Variants in ATP11A observed in about 807,000 individuals in gnomAD.
ATP11A encodes the protein phospholipid-transporting ATPase IH.
Under a neutral mutation model 154.4 loss-of-function variants are expected in ATP11A, and 81 were observed. The ratio of observed to expected loss-of-function variants is 0.52; its 90% confidence interval spans 0.44 to 0.63. ATP11A has a LOEUF of 0.63. Among genes scored for constraint, ATP11A ranks in the 30% least tolerant of loss-of-function variants. The pLI, the probability that ATP11A is intolerant of heterozygous loss-of-function variation, is 0.00. For synonymous variants in ATP11A, 623 were observed against 585.9 expected, an observed-to-expected ratio of 1.06 and a Z score of -0.91; for missense variants, 1,316 against 1,474.3, an observed-to-expected ratio of 0.89 and a Z score of 1.76.
chr13:112,882,686 C>T lies in ATP11A; in HGVS notation c.*820C>T, dbSNP rs1433165936. ...GCCACGTGGGAGGACAAGGCCACGC[C>T]GGCAGCTTCCAGCCCTGCCGCAGAA... On this transcript the variant is annotated 3_prime_UTR_variant, in exon 30 of 30. Transcript: ENST00000375645. The surrounding 1 kb of genome is among the most constrained non-coding windows in gnomAD (Gnocchi z 5.1). The T allele has an allele frequency of 2.8e-5, 11 of 399,776 alleles. No homozygotes were observed. The highest frequency in any genetic ancestry group is 4.1e-5 in the African/African-American group (2 of 48,602). The allele number at this position is 399,776 out of a possible 1,614,324, so 24.8% of individuals were successfully genotyped here. A position where few individuals can be genotyped will look rare whatever the true frequency, so the allele number is the denominator to read the frequency against.
intron 3 of ATP11A, 49 bp downstream of exon 3, chr13:112,805,095 G>A (rs1566507026): frequency 1.4e-6 from 2 of 1,407,608 alleles, no homozygotes; most frequent in Non-Finnish European, 2.0e-6. Context: ...ATCTAAATAA[G>A]TGACATTTTA....
chr13:112,810,745 A>G lies in ATP11A; in HGVS notation c.441+19A>G. 2 of 1,606,640 alleles carry G rather than the reference A, an allele frequency of 1.2e-6. No homozygotes were observed. Among genetic ancestry groups the G allele is most frequent in the Non-Finnish European group, 8.5e-7 (1 of 1,173,262 alleles). On this transcript the variant is annotated intron_variant, in intron 5 of 29. Coordinates refer to ENST00000375645, the MANE Select transcript of ATP11A (RefSeq NM_015205.3). ...GCTGCGAGTAAGTGACACCCGACAC[A>G]TTTACGCTGGTGAAGTCCAGTAACT... is the stretch of plus-strand genomic sequence containing the variant.
intron 2 of ATP11A, among the ~76,000 whole-genome samples, chr13:112,788,341 C>A (rs963951054): frequency 6.8e-6 from 1 of 146,156 alleles, no homozygotes; most frequent in African/African-American, 2.6e-5. Context: ...ACGTGTAGAC[C>A]CCTGTGGAGA....
At chr13:112,825,317 C>T in intron 10 of ATP11A, 113 bp from the exon 11 acceptor site, 1 of 1,243,610 alleles carries the variant, frequency 8.0e-7, no homozygotes, top group Middle Eastern at 2.1e-4. Flanking sequence ...GAACACATCA[C>T]TGTGCCCTTC....
rs368097538 is a variant in ATP11A, at chr13:112,842,266, C to T, written c.1706-10C>T. On this transcript the variant is annotated splice_polypyrimidine_tract_variant and intron_variant, in intron 16 of 29. Transcript: ENST00000375645. ...TTGTGATTAAACTCCTCATTTTTCT[C>T]ATTTTGTAGGAGAAATTTATCTGTT... 141 of 1,593,820 alleles carry T rather than the reference C, an allele frequency of 8.8e-5. No homozygotes were observed. Among genetic ancestry groups the T allele is most frequent in the Non-Finnish European group, 1.1e-4 (133 of 1,166,678 alleles).
chr13:112,794,296 G>A (rs2077940190), intron 2 of ATP11A, among the ~76,000 whole-genome samples: 1 of 152,190 alleles, frequency 6.6e-6, no homozygotes, highest in Admixed American at 6.5e-5. Flanking sequence ...ACAACGATGA[G>A]CGAAGGATAA....
chr13:112,875,876 C>T lies in ATP11A; in HGVS notation c.3262C>T (p.Leu1088Phe). The T allele has an allele frequency of 6.2e-7, 1 of 1,613,864 alleles. No homozygotes were observed. Among genetic ancestry groups the T allele is most frequent in the Non-Finnish European group, 8.5e-7 (1 of 1,180,040 alleles). ...CGTGCTGCTGGTGACCATCAGCCTC[C>T]TTCCCGACGTCCTCAAGAAAGTCCT... is the stretch of plus-strand genomic sequence containing the variant. ...AIVLLVTISLLPDVLKKVLCR... is the reference protein window; with the variant it reads ...AIVLLVTISLFPDVLKKVLCR... Residue 1088 changes from leucine (L) to phenylalanine (F), a missense_variant, in exon 28 of 30, where the codon CTT becomes TTT. By Grantham distance (22) the Leu-to-Phe change is conservative. This residue lies in a region of ATP11A where 294 missense variants were observed against 290.2 expected (regional missense o/e 1.01). Coordinates refer to ENST00000375645, the MANE Select transcript of ATP11A (RefSeq NM_015205.3). This position sits in a 1 kb window ranked among gnomAD's most constrained non-coding sequence, Gnocchi z 4.1.
chr13:112,757,037 A>C (rs1482683814), intron 1 of ATP11A, among the ~76,000 whole-genome samples: 1 of 152,272 alleles, frequency 6.6e-6, no homozygotes, highest in Non-Finnish European at 1.5e-5. Flanking sequence ...CATTGATGTG[A>C]GCACCTACTG....
At chr13:112,761,124 C>G (rs1403467166) in intron 1 of ATP11A, among the ~76,000 whole-genome samples, 2 of 152,178 alleles carry the variant, frequency 1.3e-5, no homozygotes, top group Non-Finnish European at 2.9e-5. Flanking sequence ...CCCCACCCCC[C>G]TTATGGCCTC....
chr13:112,704,749 G>A (rs968846872), intron 1 of ATP11A, among the ~76,000 whole-genome samples: 3 of 152,240 alleles, frequency 2.0e-5, no homozygotes, highest in Non-Finnish European at 4.4e-5. Flanking sequence ...GGAAGTGGCT[G>A]CCTAAATAAT....
Position 112,781,784 on chromosome 13 carries a change from C to CAAA in ATP11A, c.40-3334_40-3332dup, listed in dbSNP as rs748401969. ...TCTTAATAAACTTGCTTTCACTTTG[C>CAAA]AAAAAAAAAAAAAAAAAAAGAATTT... On this transcript the variant is annotated intron_variant, in intron 1 of 29. Coordinates refer to ENST00000375645, the MANE Select transcript of ATP11A (RefSeq NM_015205.3). Among the ~76,000 whole-genome samples the CAAA allele has an allele frequency of 1.6e-3, 167 of 101,330 alleles. 3 individuals carry two copies. The highest frequency in any genetic ancestry group is 5.3e-3 in the African/African-American group (153 of 28,838). The allele number at this position is 101,330 out of a possible 152,430, so 66.5% of individuals were successfully genotyped here.
At chr13:112,774,357 T>C (rs546096109) in intron 1 of ATP11A, among the ~76,000 whole-genome samples, 1 of 152,254 alleles carries the variant, frequency 6.6e-6, no homozygotes, top group Non-Finnish European at 1.5e-5. Flanking sequence ...AAGAGGGTGG[T>C]TGAGGACCAT....
In ATP11A at chr13:112,875,827, C is replaced by T; in HGVS notation, c.3213C>T (p.Ser1071=). ...ACTACGTGTTCATCCAGATGCTGTC[C>T]AGCGGGCCCGCCTGGCTGGCCATCG... The part of the protein sequence containing the change: ...RMYYVFIQML[S]SGPAWLAIVL... The change falls in exon 28 of 30, where the codon TCC becomes TCT. Residue 1071 remains serine, a synonymous_variant. Coordinates refer to ENST00000375645, the MANE Select transcript of ATP11A (RefSeq NM_015205.3). This position sits in a 1 kb window ranked among gnomAD's most constrained non-coding sequence, Gnocchi z 4.1. 6.2e-7 allele frequency: 1 copy of T among 1,613,988 alleles called. No homozygotes were observed.
chr13:112,844,740 G>A (rs1460991119), intron 17 of ATP11A, among the ~76,000 whole-genome samples: 1 of 138,614 alleles, frequency 7.2e-6, no homozygotes, highest in East Asian at 2.0e-4. Flanking sequence ...AGTACCTCTA[G>A]CGGTACTAGT....
At chr13:112,827,052 C>T (rs761232489) in intron 12 of ATP11A, among the ~76,000 whole-genome samples, 161 bp downstream of exon 12, 1 of 152,170 alleles carries the variant, frequency 6.6e-6, no homozygotes, top group South Asian at 2.1e-4. Flanking sequence ...AACAGTCAGC[C>T]GTGCTGTTAC....
chr13:112,770,272 G>A (rs1260436895), intron 1 of ATP11A, among the ~76,000 whole-genome samples: 2 of 152,186 alleles, frequency 1.3e-5, no homozygotes, highest in African/African-American at 2.4e-5. Context: ...CAGGTCGACT[G>A]TGTTTCCAGA....
At chr13:112,699,032 A>G (rs558451038) in intron 1 of ATP11A, among the ~76,000 whole-genome samples, 1 of 152,322 alleles carries the variant, frequency 6.6e-6, no homozygotes, top group East Asian at 1.9e-4. Context: ...CTGGTCTTTA[A>G]ACCAATCCTT....
At chr13:112,752,704 G>A (rs1355536498) in intron 1 of ATP11A, among the ~76,000 whole-genome samples, 1 of 152,216 alleles carries the variant, frequency 6.6e-6, no homozygotes, top group African/African-American at 2.4e-5. Flanking sequence ...ACAGAATACC[G>A]TAATGTAGTT....
At chr13:112,705,427 A>C (rs904176178) in intron 1 of ATP11A, among the ~76,000 whole-genome samples, 1 of 136,528 alleles carries the variant, frequency 7.3e-6, no homozygotes, top group African/African-American at 3.7e-5. Flanking sequence ...CAGCTGCTGT[A>C]TGCGCTGAAG....
Sources: allele counts gnomAD v4.1 joint callset (sites outside exome capture counted in the v4.1 genomes callset), GRCh38; gene constraint gnomAD v4.1.1; regional missense constraint gnomAD v4.1.1; non-coding constraint Gnocchi (gnomAD v3.1); transcripts MANE v1.5; gene names NCBI Gene and HGNC (gene_info 2026-07-23, HGNC 2026-07-21).